The following MMP24 variants were observed in gnomAD, a reference collection of about 807,000 sequenced individuals.
MMP24 encodes matrix metalloproteinase-24.
In MMP24, 25 loss-of-function variants were observed where a neutral mutation model predicts 62.8. The observed-to-expected ratio is 0.40, with a 90% CI of 0.29 to 0.56. The LOEUF (loss-of-function observed/expected upper bound fraction) is 0.56. MMP24 is among the 20% of genes least tolerant of loss of function. The pLI is 0.50. For missense variants in MMP24, 634 were observed against 853.6 expected, an observed-to-expected ratio of 0.74 and a Z score of 3.21; for synonymous variants, 319 against 350.5, an observed-to-expected ratio of 0.91 and a Z score of 1.00.
intron 4 of MMP24, among the ~76,000 whole-genome samples, chr20:35,261,425 CCA>C (rs2146228052): frequency 6.6e-6 from 1 of 152,314 alleles, no homozygotes; most frequent in South Asian, 2.1e-4. Context: ...TCTGATGCCC[CCA>C]GTTTACAAGT....
In MMP24 at chr20:35,271,690, G is replaced by A. The variant is rs757703443; in HGVS notation, c.1455G>A (p.Val485=). The change falls in exon 8 of 9, where the codon GTG becomes GTA. Residue 485 remains valine, a synonymous_variant. Coordinates refer to ENST00000246186, the MANE Select transcript of MMP24 (RefSeq NM_006690.4). This position sits in a 1 kb window ranked among gnomAD's most constrained non-coding sequence, Gnocchi z 4.0. ...ACACAGCTCTGCGCTGGGAACCTGT[G>A]GGCAAGACCTACTTTTTCAAAGGCG... ...GIDTALRWEP[V]GKTYFFKGER... The A allele has an allele frequency of 1.2e-6, 2 of 1,608,108 alleles. No homozygotes were observed. The highest frequency in any genetic ancestry group is 1.7e-6 in the Non-Finnish European group (2 of 1,177,498).
chr20:35,258,883 T>C (rs556958098), intron 4 of MMP24, among the ~76,000 whole-genome samples: 5 of 151,958 alleles, frequency 3.3e-5, no homozygotes, highest in African/African-American at 1.2e-4. Flanking sequence ...TCCATGTGTT[T>C]AAAAGGCTCC....
chr20:35,275,606 C>T lies in MMP24; in HGVS notation c.*997C>T, dbSNP rs1228948943. On this transcript the variant is annotated 3_prime_UTR_variant, in exon 9 of 9. Transcript: ENST00000246186. ...TCACTTGCAGCCTGGAGCTCAGCCT[C>T]ACCAGTTAGGTGAGGCAGAGATGGC... The T allele has an allele frequency of 2.5e-5, 4 of 158,204 alleles. No homozygotes were observed. In the East Asian group the frequency reaches 7.3e-4, roughly 29 times the overall value. The allele number at this position is 158,204 out of a possible 1,614,324, so 9.8% of individuals were successfully genotyped here. A position where few individuals can be genotyped will look rare whatever the true frequency, so the allele number is the denominator to read the frequency against.
chr20:35,274,787 G>T lies in MMP24; in HGVS notation c.*178G>T, dbSNP rs933978364. 1 of 632,876 alleles carries T rather than the reference G, an allele frequency of 1.6e-6. No individual in the cohort carries two copies. The highest frequency in any genetic ancestry group is 1.8e-5 in the African/African-American group (1 of 54,236). 39.2% of individuals were successfully genotyped at this position (632,876 alleles called of 1,614,324 possible). On this transcript the variant is annotated 3_prime_UTR_variant, in exon 9 of 9. Coordinates refer to ENST00000246186, the MANE Select transcript of MMP24 (RefSeq NM_006690.4). This position sits in a 1 kb window ranked among gnomAD's most constrained non-coding sequence, Gnocchi z 5.1. ...GAGCGTGGGGCAGGGAATTATGGGGGCTGTGCCCCAGGGTGGGTGTCTGGC... is the reference window on the plus strand; with the variant it reads ...GAGCGTGGGGCAGGGAATTATGGGGTCTGTGCCCCAGGGTGGGTGTCTGGC...
At position 35,267,305 on chromosome 20, in the gene MMP24, G is replaced by A; in HGVS notation, c.1080G>A (p.Arg360=). 1 of 1,596,992 alleles carries A rather than the reference G, an allele frequency of 6.3e-7. No individual in the cohort carries two copies. Among genetic ancestry groups the A allele is most frequent in the South Asian group, 1.1e-5 (1 of 88,182 alleles). The part of the protein sequence containing the change: ...PSERKHERQP[R]PPRPPLGDRP... ...AGAGGAAACACGAGCGCCAGCCCAG[G>A]CCCCCTCGGCCGCCCCTCGGGGACC... Residue 360 remains arginine, a synonymous_variant, in exon 6 of 9, where the codon AGG becomes AGA. Coordinates refer to ENST00000246186, the MANE Select transcript of MMP24 (RefSeq NM_006690.4).
At chr20:35,272,213 G>T (rs2060674286) in intron 8 of MMP24, 1 of 420,764 alleles carries the variant, frequency 2.4e-6, no homozygotes. Context: ...GCAAGAAGAT[G>T]GAAAGAAAAC....
intron 1 of MMP24, among the ~76,000 whole-genome samples, chr20:35,243,836 T>G (rs1211754734): frequency 1.3e-5 from 2 of 152,230 alleles, no homozygotes; most frequent in Non-Finnish European, 2.9e-5. Context: ...GGAAAAAACA[T>G]GTATTAATAC....
At chr20:35,251,212 G>T (rs766492304) in intron 2 of MMP24, among the ~76,000 whole-genome samples, 2 of 151,356 alleles carry the variant, frequency 1.3e-5, no homozygotes, top group Admixed American at 6.6e-5. Flanking sequence ...TCCGCCTCAC[G>T]GGTTCAAGCA....
intron 4 of MMP24, among the ~76,000 whole-genome samples, chr20:35,259,832 C>T (rs964743567): frequency 6.6e-6 from 1 of 152,176 alleles, no homozygotes; most frequent in Non-Finnish European, 1.5e-5. Flanking sequence ...TGCTCACACA[C>T]AGCTCAACAG....
intron 1 of MMP24, among the ~76,000 whole-genome samples, chr20:35,243,668 A>G (rs1204001303): frequency 6.6e-6 from 1 of 152,140 alleles, no homozygotes; most frequent in Non-Finnish European, 1.5e-5. Flanking sequence ...TTCCAGCCCA[A>G]TCTTATAATA....
At chr20:35,240,616 C>T (rs1454691693) in intron 1 of MMP24, among the ~76,000 whole-genome samples, 2 of 151,956 alleles carry the variant, frequency 1.3e-5, no homozygotes, top group Non-Finnish European at 2.9e-5. Flanking sequence ...GAACCTATTG[C>T]CTCATCAAGC....
intron 4 of MMP24, among the ~76,000 whole-genome samples, chr20:35,260,442 T>C (rs2146226662): frequency 6.6e-6 from 1 of 152,246 alleles, no homozygotes. Flanking sequence ...GGTTCCCAGC[T>C]GAGCTCCCTG....
At position 35,254,530 on chromosome 20, in the gene MMP24, T is replaced by C. The variant is rs1411852820; in HGVS notation, c.593T>C (p.Val198Ala). 2 of 1,613,988 alleles carry C rather than the reference T, an allele frequency of 1.2e-6. No individual in the cohort carries two copies. Among genetic ancestry groups the C allele is most frequent in the Non-Finnish European group, 1.7e-6 (2 of 1,179,876 alleles). ...IRQAFDVWQK[V>A]TPLTFEEVPY... is the part of the protein sequence containing the mutation. ...CAGGCTTTCGATGTGTGGCAGAAGG[T>C]GACCCCACTGACCTTTGAAGAGGTG... Residue 198 changes from valine (V) to alanine (A), a missense_variant, in exon 4 of 9, where the codon GTG (valine) becomes GCG (alanine). Val to Ala is a moderately conservative substitution (Grantham distance 64). This residue lies in a region of MMP24 where 212 missense variants were observed against 259.6 expected (regional missense o/e 0.82). Transcript: ENST00000246186.
At chr20:35,246,460 A>C (rs2060515467) in intron 1 of MMP24, among the ~76,000 whole-genome samples, 1 of 152,156 alleles carries the variant, frequency 6.6e-6, no homozygotes, top group Non-Finnish European at 1.5e-5. Flanking sequence ...CTGGCGACAA[A>C]GCTGGACTCC....
At chr20:35,253,260 C>T (rs769918779) in intron 3 of MMP24, among the ~76,000 whole-genome samples, 2 of 102,710 alleles carry the variant, frequency 1.9e-5, no homozygotes, top group Non-Finnish European at 3.8e-5. Context: ...GCACTCCCTA[C>T]AGAACGGGAC....
intron 4 of MMP24, 195 bp from the exon 5 acceptor site, chr20:35,263,596 T>C: frequency 2.4e-6 from 1 of 423,512 alleles, no homozygotes; most frequent in Non-Finnish European, 4.2e-6. Context: ...CACTTGTCAC[T>C]CTCTCTCTCC....
At chr20:35,229,095 A>G (rs939141122) in intron 1 of MMP24, among the ~76,000 whole-genome samples, 1 of 152,108 alleles carries the variant, frequency 6.6e-6, no homozygotes, top group African/African-American at 2.4e-5. Context: ...CTGTATGTGG[A>G]TTATTTTTAT....
rs753065859 is a variant in MMP24, at chr20:35,271,849, G to A, written c.1600+14G>A. 35 of 1,598,978 alleles carry A rather than the reference G, an allele frequency of 2.2e-5. No individual in the cohort carries two copies. The highest frequency in any genetic ancestry group is 2.7e-5 in the Non-Finnish European group (32 of 1,173,658). ...GCAAGGAAGGATGTACGTAAGGGCCGGGCCAGGGTGGGCATGGGGAGCCGG... is the reference window on the plus strand; with the variant it reads ...GCAAGGAAGGATGTACGTAAGGGCCAGGCCAGGGTGGGCATGGGGAGCCGG... On this transcript the variant is annotated intron_variant, in intron 8 of 8. Transcript: ENST00000246186. This position sits in a 1 kb window ranked among gnomAD's most constrained non-coding sequence, Gnocchi z 4.0.
At chr20:35,246,239 G>A (rs1388875823) in intron 1 of MMP24, among the ~76,000 whole-genome samples, 1 of 150,774 alleles carries the variant, frequency 6.6e-6, no homozygotes, top group African/African-American at 2.4e-5. Flanking sequence ...CGGATCATGA[G>A]GTCAGGAGAT....
Sources: gnomAD v4.1 joint callset for allele counts (sites outside exome capture counted in the v4.1 genomes callset) on GRCh38, gnomAD v4.1.1 for gene constraint, gnomAD v4.1.1 regional missense constraint, Gnocchi (gnomAD v3.1) non-coding constraint, MANE v1.5 for transcripts, NCBI Gene and HGNC (gene_info 2026-07-23, HGNC 2026-07-21) for gene names.